Variants in HS6ST3 observed in about 807,000 individuals in gnomAD.
HS6ST3 encodes heparan-sulfate 6-O-sulfotransferase 3.
HS6ST3 carries 12 observed loss-of-function variants against 36.7 expected under a neutral mutation model. The observed-to-expected ratio is 0.33, with a 90% CI of 0.21 to 0.53. The LOEUF is 0.53. Among genes scored for constraint, HS6ST3 ranks in the 20% least tolerant of loss-of-function variants. The pLI, the probability that HS6ST3 is intolerant of heterozygous loss-of-function variation, is 0.95. For missense variants in HS6ST3, 584 were observed against 640.9 expected, an observed-to-expected ratio of 0.91 and a Z score of 0.96; for synonymous variants, 240 against 257.5, an observed-to-expected ratio of 0.93 and a Z score of 0.65.
intron 1 of HS6ST3, among the ~76,000 whole-genome samples, chr13:96,191,726 G>A (rs2054289379): frequency 6.6e-6 from 1 of 152,122 alleles, no homozygotes; most frequent in Admixed American, 6.5e-5. Flanking sequence ...ACTAGTGGAT[G>A]TTTAAAAATT....
chr13:96,274,000 C>T (rs2054735145), intron 1 of HS6ST3, among the ~76,000 whole-genome samples: 1 of 132,216 alleles, frequency 7.6e-6, no homozygotes, highest in Non-Finnish European at 1.6e-5. Flanking sequence ...CCTCCCTTCT[C>T]CTTCTCTCTC....
At chr13:96,458,005 G>A (rs935673170) in intron 1 of HS6ST3, among the ~76,000 whole-genome samples, 1 of 151,776 alleles carries the variant, frequency 6.6e-6, no homozygotes, top group African/African-American at 2.4e-5. Context: ...TTTCTTTCCA[G>A]TAGTATTGCA....
In HS6ST3 at chr13:96,814,011, T is replaced by C. The variant is rs551618739; in HGVS notation, c.708-18479T>C. Among the ~76,000 whole-genome samples, 24 of 152,338 alleles carry C rather than the reference T, an allele frequency of 1.6e-4. No homozygotes were observed. In the South Asian group the frequency reaches 5.0e-3, roughly 32 times the overall value. On this transcript the variant is annotated intron_variant, in intron 1 of 1. Transcript: ENST00000376705. ...AATTCTATGACTCTTTCATTATTAT[T>C]ATTTAAAATATTCAATCCGTGAATT...
In HS6ST3 at chr13:96,834,134, G is replaced by C. The variant is rs1462555536; in HGVS notation, c.*936G>C. The C allele has an allele frequency of 1.3e-5, 2 of 152,172 alleles. No individual in the cohort carries two copies. The highest frequency in any genetic ancestry group is 6.5e-5 in the Admixed American group (1 of 15,280). 9.4% of individuals were successfully genotyped at this position (152,172 alleles called of 1,614,324 possible). Reference sequence around the variant, plus strand: ...TTCAGAGTTTAATCTTTTTGGAGAAGTTATGTTCTTTAATCGGGTACTACC... The same window carrying C: ...TTCAGAGTTTAATCTTTTTGGAGAACTTATGTTCTTTAATCGGGTACTACC... On this transcript the variant is annotated 3_prime_UTR_variant, in exon 2 of 2. Transcript: ENST00000376705.
intron 1 of HS6ST3, among the ~76,000 whole-genome samples, chr13:96,796,278 C>G (rs548715324): frequency 2.0e-5 from 3 of 152,142 alleles, no homozygotes; most frequent in African/African-American, 7.2e-5. Context: ...TTTTCCTTTT[C>G]CACATGACAG....
rs570887785 is a variant in HS6ST3 at position 96,684,747 on chromosome 13, C to T, written c.708-147743C>T. The stretch of plus-strand genomic sequence containing the variant: ...CTGTTATCACTAGGTAGTGCAGCTC[C>T]ATGACATAAAATATACAGCTAATTA... On this transcript the variant is annotated intron_variant, in intron 1 of 1. Coordinates refer to ENST00000376705, the MANE Select transcript of HS6ST3 (RefSeq NM_153456.4). 2.1e-4 allele frequency among the ~76,000 whole-genome samples: 32 copies of T among 152,082 alleles called. 1 individual carries two copies. In the South Asian group the frequency reaches 2.5e-3, roughly 12 times the overall value.
In HS6ST3 at chr13:96,235,630, A is replaced by C. The variant is rs201750700; in HGVS notation, c.707+144061A>C. Among the ~76,000 whole-genome samples, 3 of 152,046 alleles carry C rather than the reference A, an allele frequency of 2.0e-5. No homozygotes were observed. The East Asian group carries it at 5.8e-4, about 29-fold the overall frequency. The stretch of plus-strand genomic sequence containing the variant: ...TTGTCCTCTATTATTTTTTTTAAAG[A>C]TTTAGCAATCTCCTCCCCCAACCAC... On this transcript the variant is annotated intron_variant, in intron 1 of 1. Transcript: ENST00000376705.
At chr13:96,386,780 G>C (rs9300348) in intron 1 of HS6ST3, among the ~76,000 whole-genome samples, 132,166 of 152,140 alleles carry the variant, frequency 0.87, 57,734 homozygotes, top group South Asian at 0.91. Context: ...GCAGGAGAAT[G>C]GCTTGAACCC....
intron 1 of HS6ST3, among the ~76,000 whole-genome samples, chr13:96,213,788 G>A (rs1237039625): frequency 6.6e-6 from 1 of 152,136 alleles, no homozygotes; most frequent in Non-Finnish European, 1.5e-5. Context: ...TTGCAAATGG[G>A]TCCCAAAGGA....
At chr13:96,734,601 C>T (rs1367341980) in intron 1 of HS6ST3, among the ~76,000 whole-genome samples, 1 of 151,730 alleles carries the variant, frequency 6.6e-6, no homozygotes, top group East Asian at 1.9e-4. Flanking sequence ...ATATACACAG[C>T]ATTTTAAATG....
rs1874840296 is a variant in HS6ST3, at chr13:96,688,193, ATG to A, written c.708-144295_708-144294del. The stretch of plus-strand genomic sequence containing the variant: ...TGTAACAAACCTGGACATTGTGCAC[ATG>A]TACCCTAGAACTTAAAGTATAATAA... On this transcript the variant is annotated intron_variant, in intron 1 of 1. Transcript: ENST00000376705. 2.1e-5 allele frequency among the ~76,000 whole-genome samples: 3 copies of A among 140,460 alleles called. No homozygotes were observed. The South Asian group carries it at 6.9e-4, about 32-fold the overall frequency. The allele number at this position is 140,460 out of a possible 152,430, so 92.1% of individuals were successfully genotyped here.
In HS6ST3 at chr13:96,620,054, G is replaced by A. The variant is rs2056488494; in HGVS notation, c.708-212436G>A. On this transcript the variant is annotated intron_variant, in intron 1 of 1. Coordinates refer to ENST00000376705, the MANE Select transcript of HS6ST3 (RefSeq NM_153456.4). ...CCTGTGAGATTGGCAGGTGATGTAT[G>A]CTTTGCATCTTCTGGAAAGTTTATA... Among the ~76,000 whole-genome samples the A allele has an allele frequency of 1.3e-5, 2 of 152,184 alleles. 1 individual carries two copies. Among genetic ancestry groups the A allele is most frequent in the South Asian group, 4.1e-4 (2 of 4,834 alleles).
intron 1 of HS6ST3, among the ~76,000 whole-genome samples, chr13:96,661,823 G>A (rs2056647480): frequency 6.6e-6 from 1 of 152,074 alleles, no homozygotes. Flanking sequence ...TGCTAGTCTG[G>A]GAAAGACTTT....
chr13:96,254,950 G>A (rs1299695694), intron 1 of HS6ST3, among the ~76,000 whole-genome samples: 4 of 152,186 alleles, frequency 2.6e-5, no homozygotes, highest in Admixed American at 2.6e-4. Flanking sequence ...CCAATAATCT[G>A]TGAGAATTTT....
intron 1 of HS6ST3, among the ~76,000 whole-genome samples, chr13:96,260,605 A>C (rs1180758998): frequency 6.8e-6 from 1 of 147,932 alleles, no homozygotes; most frequent in East Asian, 2.0e-4. Flanking sequence ...GGCAGGAGCC[A>C]CCGTGCCCGG....
intron 1 of HS6ST3, among the ~76,000 whole-genome samples, chr13:96,557,923 C>G (rs140839246): frequency 3.3e-5 from 5 of 152,156 alleles, no homozygotes; most frequent in African/African-American, 1.2e-4. Flanking sequence ...TCAATTTACT[C>G]TTCTGTAAGA....
intron 1 of HS6ST3, among the ~76,000 whole-genome samples, chr13:96,459,773 C>G (rs2055773551): frequency 6.6e-6 from 1 of 152,154 alleles, no homozygotes; most frequent in Admixed American, 6.5e-5. Context: ...AGAGATTGAT[C>G]AGTGTTCACA....
Position 96,839,027 on chromosome 13 carries a change from C to T in HS6ST3, c.*5829C>T, listed in dbSNP as rs1299726266. On this transcript the variant is annotated 3_prime_UTR_variant, in exon 2 of 2. Transcript: ENST00000376705. ...ATTGCAACTGTCATCCTTTGGCACA[C>T]TCAGTGGAACCTGTGTGAGCTACAT... The T allele has an allele frequency of 1.3e-5, 2 of 152,180 alleles. No individual in the cohort carries two copies. The highest frequency in any genetic ancestry group is 4.8e-5 in the African/African-American group (2 of 41,442). The allele number at this position is 152,180 out of a possible 1,614,324, so 9.4% of individuals were successfully genotyped here. A position where few individuals can be genotyped will look rare whatever the true frequency, so the allele number is the denominator to read the frequency against.
Position 96,542,912 on chromosome 13 carries a change from G to A in HS6ST3, c.708-289578G>A, listed in dbSNP as rs1759926629. Reference sequence around the variant, plus strand: ...TACTTCTCTGTTCAGTGTTCTAGATGCTGGGAAAATGAGAGGAGATATGAT... The same window carrying A: ...TACTTCTCTGTTCAGTGTTCTAGATACTGGGAAAATGAGAGGAGATATGAT... On this transcript the variant is annotated intron_variant, in intron 1 of 1. Transcript: ENST00000376705. 1.3e-5 allele frequency among the ~76,000 whole-genome samples: 2 copies of A among 152,142 alleles called. 1 individual carries two copies. Among genetic ancestry groups the A allele is most frequent in the South Asian group, 4.1e-4 (2 of 4,822 alleles).
Sources: allele counts gnomAD v4.1 joint callset (sites outside exome capture counted in the v4.1 genomes callset), GRCh38; gene constraint gnomAD v4.1.1; transcripts MANE v1.5; gene names NCBI Gene and HGNC (gene_info 2026-07-23, HGNC 2026-07-21).